Variants in PTPRR observed in about 807,000 individuals in gnomAD.
PTPRR encodes protein tyrosine phosphatase receptor type R.
In PTPRR, 38 loss-of-function variants were observed where a neutral mutation model predicts 77.2. The observed-to-expected ratio is 0.49, with a 90% CI of 0.38 to 0.65. The LOEUF is 0.65. PTPRR is among the 30% of genes least tolerant of loss of function. The probability of loss-of-function intolerance (pLI) is 0.00; values close to 1 mark genes in which losing one functional copy is unlikely to be tolerated. For missense variants in PTPRR, 744 were observed against 799.2 expected, an observed-to-expected ratio of 0.93 and a Z score of 0.83; for synonymous variants, 299 against 283.1, an observed-to-expected ratio of 1.06 and a Z score of -0.57.
chr12:70,711,561 T>C (rs976142240), intron 6 of PTPRR, among the ~76,000 whole-genome samples: 3 of 152,070 alleles, frequency 2.0e-5, no homozygotes, highest in African/African-American at 7.2e-5. Context: ...CAAACCCCCA[T>C]GACACAAGTT....
intron 2 of PTPRR, among the ~76,000 whole-genome samples, chr12:70,891,214 T>C (rs1053366987): frequency 1.3e-5 from 2 of 152,142 alleles, no homozygotes; most frequent in South Asian, 2.1e-4. Flanking sequence ...GAATTCCTCA[T>C]TGGTGCCTTT....
At chr12:70,783,871 G>C (rs1207319195) in intron 2 of PTPRR, among the ~76,000 whole-genome samples, 2 of 76,918 alleles carry the variant, frequency 2.6e-5, no homozygotes, top group East Asian at 3.3e-4. Flanking sequence ...GACGGGGGGG[G>C]GGGGCGGGGG....
chr12:70,828,127 A>G (rs1298624657), intron 2 of PTPRR, among the ~76,000 whole-genome samples: 8 of 152,186 alleles, frequency 5.3e-5, no homozygotes. Flanking sequence ...AACATATGAC[A>G]TTCTGAGGGA....
At chr12:70,725,802 G>A (rs548337153) in intron 6 of PTPRR, among the ~76,000 whole-genome samples, 9 of 152,094 alleles carry the variant, frequency 5.9e-5, no homozygotes, top group South Asian at 4.2e-4. Context: ...AATTTTAAAC[G>A]TCAAAGAGTT....
Position 70,808,898 on chromosome 12 carries a change from A to C in PTPRR, c.358-44120T>G, listed in dbSNP as rs551439738. Among the ~76,000 whole-genome samples, 179 of 152,274 alleles carry C rather than the reference A, an allele frequency of 1.2e-3. 4 individuals are homozygous for C. In the South Asian group the frequency reaches 0.034, roughly 29 times the overall value. On this transcript the variant is annotated intron_variant, in intron 2 of 13. Transcript: ENST00000283228. ...AATCCCCAACCTAAGTGCTACTTCC[A>C]TGATCTTCTTACTCTAAATCAGAAA...
chr12:70,663,305 C>T (rs374188589), intron 10 of PTPRR, among the ~76,000 whole-genome samples: 132 of 152,250 alleles, frequency 8.7e-4, no homozygotes, highest in South Asian at 2.9e-3. Context: ...GTGGTTAAGG[C>T]GCAGGCTTTG....
chr12:70,821,938 A>T (rs1892022380), intron 2 of PTPRR, among the ~76,000 whole-genome samples: 1 of 152,218 alleles, frequency 6.6e-6, no homozygotes, highest in Non-Finnish European at 1.5e-5. Context: ...TGCTGGGATT[A>T]CAGGCATGAG....
At chr12:70,731,050 CAGAGAGGAAGGAAGGAGGAAGGCAAG>C (rs1889640741) in intron 6 of PTPRR, among the ~76,000 whole-genome samples, 2 of 54,908 alleles carry the variant, frequency 3.6e-5, no homozygotes, top group Non-Finnish European at 7.5e-5. Context: ...AGGAAGGAGA[CAGAGAGGAAGGAAGGAGGAAGGCAAG>C]AGAGAGGAAG....
intron 2 of PTPRR, among the ~76,000 whole-genome samples, chr12:70,804,139 C>CTGTG (rs58442488): frequency 0.17 from 23,191 of 137,102 alleles, 2,065 homozygotes; most frequent in Admixed American, 0.26. Context: ...GTTCCTGGCT[C>CTGTG]TGTGTGTGTG....
chr12:70,732,534 C>G (rs550335799), intron 6 of PTPRR, among the ~76,000 whole-genome samples: 7 of 152,190 alleles, frequency 4.6e-5, no homozygotes, highest in South Asian at 2.1e-4. Context: ...GGGGCAAGGG[C>G]GAGGTGGTGG....
At chr12:70,727,222 ATT>A (rs56211827) in intron 6 of PTPRR, among the ~76,000 whole-genome samples, 2 of 149,264 alleles carry the variant, frequency 1.3e-5, no homozygotes, top group Admixed American at 1.3e-4. Context: ...CCTAGTCCCG[ATT>A]TTTTTTTTTC....
intron 1 of PTPRR, among the ~76,000 whole-genome samples, chr12:70,896,101 A>G (rs1454153766): frequency 2.6e-5 from 4 of 151,694 alleles, no homozygotes; most frequent in South Asian, 2.1e-4. Context: ...TATTAATATC[A>G]ATTCAGCACA....
At chr12:70,870,413 A>G (rs1012584506) in intron 2 of PTPRR, among the ~76,000 whole-genome samples, 1 of 152,142 alleles carries the variant, frequency 6.6e-6, no homozygotes, top group African/African-American at 2.4e-5. Flanking sequence ...GAAGAAATTG[A>G]TTTGTTATTC....
intron 2 of PTPRR, among the ~76,000 whole-genome samples, chr12:70,850,102 C>G (rs1427469365): frequency 1.3e-5 from 2 of 152,100 alleles, no homozygotes; most frequent in Non-Finnish European, 1.5e-5. Flanking sequence ...TGGCTCACCT[C>G]TGTAATCCCA....
At chr12:70,743,412 T>C (rs1463630271) in intron 6 of PTPRR, among the ~76,000 whole-genome samples, 1 of 152,106 alleles carries the variant, frequency 6.6e-6, no homozygotes, top group African/African-American at 2.4e-5. Flanking sequence ...GACATGTATT[T>C]GAGAAAGGAA....
chr12:70,878,742 C>A (rs1321433559), intron 2 of PTPRR, among the ~76,000 whole-genome samples: 1 of 152,174 alleles, frequency 6.6e-6, no homozygotes, highest in Non-Finnish European at 1.5e-5. Flanking sequence ...CCAGCCATCC[C>A]ATTACTGGGT....
At chr12:70,861,661 T>A (rs919307754) in intron 2 of PTPRR, among the ~76,000 whole-genome samples, 1 of 152,102 alleles carries the variant, frequency 6.6e-6, no homozygotes, top group Non-Finnish European at 1.5e-5. Context: ...CACAGTTGGA[T>A]CACAGAGACC....
intron 13 of PTPRR, among the ~76,000 whole-genome samples, chr12:70,643,211 G>A (rs919754075): frequency 1.3e-5 from 2 of 152,152 alleles, no homozygotes; most frequent in African/African-American, 4.8e-5. Flanking sequence ...ACAGCTCACT[G>A]CAGCCTTGGC....
intron 2 of PTPRR, among the ~76,000 whole-genome samples, chr12:70,860,092 C>T (rs1468341970): frequency 6.6e-6 from 1 of 152,034 alleles, no homozygotes; most frequent in Non-Finnish European, 1.5e-5. Context: ...ACAAAATCCA[C>T]ACTGGGATAC....
Sources: allele counts gnomAD v4.1 joint callset (sites outside exome capture counted in the v4.1 genomes callset), GRCh38; gene constraint gnomAD v4.1.1; transcripts MANE v1.5; gene names NCBI Gene and HGNC (gene_info 2026-07-23, HGNC 2026-07-21).